The following CLYBL variants were observed in gnomAD, a reference collection of about 807,000 sequenced individuals.
CLYBL encodes the protein citramalyl-CoA lyase.
In CLYBL, 31 loss-of-function variants were observed where a neutral mutation model predicts 38.9. The ratio of observed to expected loss-of-function variants is 0.80; its 90% CI spans 0.60 to 1.08. CLYBL has a LOEUF of 1.08. CLYBL is among the 50% of genes least tolerant of loss of function. The probability of loss-of-function intolerance (pLI) is 0.00; values close to 1 mark genes in which losing one functional copy is unlikely to be tolerated. For synonymous variants in CLYBL, 171 were observed against 158.6 expected, an observed-to-expected ratio of 1.08 and a Z score of -0.59; for missense variants, 434 against 411.6, an observed-to-expected ratio of 1.05 and a Z score of -0.47.
chr13:99,702,115 G>T (rs182211630), intron 1 of CLYBL, among the ~76,000 whole-genome samples: 141 of 152,066 alleles, frequency 9.3e-4, no homozygotes, highest in Non-Finnish European at 1.5e-3. Flanking sequence ...TTTATTTTTT[G>T]TTTTGTTTTT....
intron 2 of CLYBL, among the ~76,000 whole-genome samples, chr13:99,856,085 A>G (rs2051452117): frequency 6.6e-6 from 1 of 152,222 alleles, no homozygotes; most frequent in African/African-American, 2.4e-5. Context: ...TATGCCTAAA[A>G]TTGGAAGTAG....
chr13:99,704,334 T>C (rs1056296825), intron 1 of CLYBL, among the ~76,000 whole-genome samples: 1 of 152,214 alleles, frequency 6.6e-6, no homozygotes, highest in Non-Finnish European at 1.5e-5. Context: ...ATATATTACT[T>C]TGATGGTTAC....
intron 1 of CLYBL, among the ~76,000 whole-genome samples, chr13:99,758,263 G>C (rs2049102218): frequency 1.3e-5 from 2 of 152,284 alleles, no homozygotes; most frequent in South Asian, 4.1e-4. Context: ...TTAATTAATG[G>C]CATCAGGTGA....
At chr13:99,785,866 G>C (rs977555905) in intron 2 of CLYBL, among the ~76,000 whole-genome samples, 3 of 152,058 alleles carry the variant, frequency 2.0e-5, no homozygotes, top group African/African-American at 7.2e-5. Context: ...AAAGTGCTGG[G>C]ATTACAGGCG....
intron 1 of CLYBL, among the ~76,000 whole-genome samples, chr13:99,698,256 A>G (rs746126919): frequency 1.3e-5 from 2 of 151,748 alleles, no homozygotes; most frequent in African/African-American, 2.4e-5. Flanking sequence ...CAGTGGCACA[A>G]TCTTGGCTCA....
chr13:99,891,655 T>C (rs953233748), intron 8 of CLYBL: 26 of 409,502 alleles, frequency 6.3e-5, no homozygotes, highest in Non-Finnish European at 9.7e-5. Context: ...ATTACGAATA[T>C]GGGCTTATGA....
chr13:99,907,289 A>G (rs2152139957), intron 9 of CLYBL, among the ~76,000 whole-genome samples: 1 of 152,280 alleles, frequency 6.6e-6, no homozygotes, highest in South Asian at 2.1e-4. Context: ...AAATGGGGGT[A>G]ATAATACTAC....
At chr13:99,753,811 G>A (rs1197608646) in intron 1 of CLYBL, among the ~76,000 whole-genome samples, 4 of 152,052 alleles carry the variant, frequency 2.6e-5, no homozygotes, top group Non-Finnish European at 2.9e-5. Flanking sequence ...GACATTGGCC[G>A]GGCGCGGTGG....
intron 1 of CLYBL, among the ~76,000 whole-genome samples, chr13:99,766,635 C>G (rs570021512): frequency 6.6e-6 from 1 of 152,116 alleles, no homozygotes; most frequent in East Asian, 1.9e-4. Flanking sequence ...CTAGTCTTCT[C>G]TGGCTGGCTT....
In CLYBL at chr13:99,819,463, T is replaced by A. The variant is rs71433441; in HGVS notation, c.250-39398T>A. 5.0e-4 allele frequency among the ~76,000 whole-genome samples: 18 copies of A among 36,268 alleles called. 1 individual carries two copies. Among genetic ancestry groups the A allele is most frequent in the African/African-American group, 1.5e-3 (11 of 7,238 alleles). The allele number at this position is 36,268 out of a possible 152,430, so 23.8% of individuals were successfully genotyped here. A position where few individuals can be genotyped will look rare whatever the true frequency, so the allele number is the denominator to read the frequency against. ...ATATATATATATATATATATATATA[T>A]ATATAATATTTGTCAGGGTTGTCTG... On this transcript the variant is annotated intron_variant, in intron 2 of 8. Coordinates refer to ENST00000339105, the MANE Select transcript of CLYBL (RefSeq NM_206808.5).
intron 2 of CLYBL, among the ~76,000 whole-genome samples, chr13:99,834,673 G>A (rs948046317): frequency 2.1e-4 from 32 of 152,094 alleles, no homozygotes; most frequent in Admixed American, 4.6e-4. Flanking sequence ...CCTGCTCCCC[G>A]GGGCCCACTC....
intron 1 of CLYBL, among the ~76,000 whole-genome samples, chr13:99,663,481 A>T (rs1320243907): frequency 1.3e-5 from 2 of 152,166 alleles, no homozygotes; most frequent in Admixed American, 6.5e-5. Flanking sequence ...GGTCAGCAGA[A>T]CCATCTTATC....
In CLYBL at chr13:99,877,691, C is replaced by T. The variant is rs1224583750; in HGVS notation, c.927+6629C>T. ...TCCCGGGTTCAAGTGATTCTCCTGC[C>T]TCAGCCTCCTGAGTAGCTAGGATTA... On this transcript the variant is annotated intron_variant, in intron 7 of 8. Transcript: ENST00000339105. 4 of 308,184 alleles carry T rather than the reference C, an allele frequency of 1.3e-5. No homozygotes were observed. In the East Asian group the frequency reaches 4.9e-4, roughly 38 times the overall value. 19.1% of individuals were successfully genotyped at this position (308,184 alleles called of 1,614,324 possible).
chr13:99,863,956 G>A (rs991654294), intron 4 of CLYBL, among the ~76,000 whole-genome samples: 4 of 152,292 alleles, frequency 2.6e-5, no homozygotes, highest in East Asian at 1.9e-4. Flanking sequence ...GGGGTCGAGT[G>A]CAAATGTTTG....
chr13:99,903,124 C>A (rs1176957871), intron 8 of CLYBL, among the ~76,000 whole-genome samples: 1 of 152,168 alleles, frequency 6.6e-6, no homozygotes, highest in Admixed American at 6.5e-5. Flanking sequence ...AGTGCAGGAG[C>A]CTCGATTTCA....
intron 6 of CLYBL, among the ~76,000 whole-genome samples, 176 bp downstream of exon 6, chr13:99,866,583 C>T (rs534363784): frequency 2.0e-5 from 3 of 151,748 alleles, no homozygotes; most frequent in Non-Finnish European, 4.4e-5. Context: ...CATGGTTTTC[C>T]TTGGCCCTGC....
At position 99,859,445 on chromosome 13, in the gene CLYBL, A is replaced by G. The variant is rs1411187008; in HGVS notation, c.438+396A>G. Among the ~76,000 whole-genome samples the G allele has an allele frequency of 3.3e-5, 5 of 152,306 alleles. No individual in the cohort carries two copies. The East Asian group carries it at 9.6e-4, about 29-fold the overall frequency. On this transcript the variant is annotated intron_variant, in intron 3 of 8. Coordinates refer to ENST00000339105, the MANE Select transcript of CLYBL (RefSeq NM_206808.5). Reference sequence around the variant, plus strand: ...ACGTAAATGGCCCTTACTGAGATTCATCTGAAATCATCCCAGGCAGGGAGG... The same window carrying G: ...ACGTAAATGGCCCTTACTGAGATTCGTCTGAAATCATCCCAGGCAGGGAGG...
At chr13:99,608,328 C>T (rs946415649) in intron 1 of CLYBL, among the ~76,000 whole-genome samples, 13 of 152,100 alleles carry the variant, frequency 8.5e-5, no homozygotes, top group Admixed American at 8.5e-4. Flanking sequence ...CTGCCTCGGC[C>T]TCCCAAAGTG....
chr13:99,781,778 A>G (rs2049660986), intron 2 of CLYBL, among the ~76,000 whole-genome samples: 1 of 152,134 alleles, frequency 6.6e-6, no homozygotes, highest in Non-Finnish European at 1.5e-5. Context: ...ATGGCTGGCC[A>G]GTTTGTTTAT....
Sources: gnomAD v4.1 joint callset for allele counts (sites outside exome capture counted in the v4.1 genomes callset) on GRCh38, gnomAD v4.1.1 for gene constraint, MANE v1.5 for transcripts, NCBI Gene and HGNC (gene_info 2026-07-23, HGNC 2026-07-21) for gene names.